Variants in LRMDA observed in about 807,000 individuals in gnomAD.
The protein encoded by LRMDA is leucine-rich melanocyte differentiation-associated protein.
LRMDA carries 18 observed loss-of-function variants against 29.8 expected under a neutral mutation model. The observed-to-expected ratio is 0.60, with a 90% CI of 0.42 to 0.90. The LOEUF (loss-of-function observed/expected upper bound fraction) is 0.90, where lower values mean the gene tolerates loss of function less well. Among genes scored for constraint, LRMDA ranks in the 40% least tolerant of loss-of-function variants. The pLI is 0.00. For synonymous variants in LRMDA, 125 were observed against 109.4 expected (o/e 1.14, Z -0.89); for missense variants, 273 against 273.9 (o/e 1.00, Z 0.02).
intron 2 of LRMDA, among the ~76,000 whole-genome samples, chr10:75,985,744 G>A (rs1847251320): frequency 6.6e-6 from 1 of 152,202 alleles, no homozygotes; most frequent in South Asian, 2.1e-4. Context: ...GGAGGTGGGA[G>A]GAGTTTCCCT....
intron 2 of LRMDA, among the ~76,000 whole-genome samples, chr10:75,558,795 C>T (rs1228605244): frequency 1.5e-4 from 21 of 143,710 alleles, no homozygotes; most frequent in Non-Finnish European, 2.3e-4. Flanking sequence ...GGTTTTTTAT[C>T]CTTGCGATAG....
chr10:76,332,626 T>A (rs1265186167), intron 6 of LRMDA, among the ~76,000 whole-genome samples: 2 of 152,206 alleles, frequency 1.3e-5, no homozygotes, highest in Non-Finnish European at 2.9e-5. Flanking sequence ...GCTCCCTTTA[T>A]CTTAACAAAA....
chr10:76,443,349 C>T (rs370120006), intron 6 of LRMDA, among the ~76,000 whole-genome samples: 4 of 152,188 alleles, frequency 2.6e-5, no homozygotes, highest in Admixed American at 6.5e-5. Context: ...CATCCACTAC[C>T]GGCTCTTGAC....
rs572450807 is a variant in LRMDA at position 76,063,736 on chromosome 10, C to T, written c.516+4953C>T. Among the ~76,000 whole-genome samples, 13 of 152,254 alleles carry T rather than the reference C, an allele frequency of 8.5e-5. No homozygotes were observed. The South Asian group carries it at 1.0e-3, about 12-fold the overall frequency. ...ACTATTTGGGCCTGAGAATCACCTG[C>T]TCCCACAAATACCCTACATAGTCCT... On this transcript the variant is annotated intron_variant, in intron 5 of 6. Transcript: ENST00000611255.
intron 6 of LRMDA, among the ~76,000 whole-genome samples, chr10:76,376,976 C>G (rs1841529906): frequency 1.4e-5 from 2 of 143,318 alleles, no homozygotes; most frequent in African/African-American, 5.3e-5. Flanking sequence ...AGCTCCACCA[C>G]CTGGGTTCAC....
At chr10:76,532,442 T>G (rs1843244679) in intron 6 of LRMDA, among the ~76,000 whole-genome samples, 1 of 152,224 alleles carries the variant, frequency 6.6e-6, no homozygotes, top group Admixed American at 6.5e-5. Context: ...TGGAACCATA[T>G]TTTGAATTGT....
chr10:76,019,973 A>G (rs1372038837), intron 2 of LRMDA, among the ~76,000 whole-genome samples: 1 of 152,216 alleles, frequency 6.6e-6, no homozygotes, highest in Non-Finnish European at 1.5e-5. Flanking sequence ...TCTTTTACAC[A>G]GTCTGATGTG....
chr10:75,937,441 C>A (rs966373602), intron 2 of LRMDA, among the ~76,000 whole-genome samples: 14 of 152,188 alleles, frequency 9.2e-5, no homozygotes, highest in African/African-American at 2.4e-4. Flanking sequence ...ATCCCCAAGC[C>A]TTGTGTCACC....
chr10:76,192,331 C>T (rs1039660737), intron 5 of LRMDA, among the ~76,000 whole-genome samples: 4 of 152,154 alleles, frequency 2.6e-5, no homozygotes, highest in African/African-American at 7.2e-5. Flanking sequence ...CAGATTGTCC[C>T]AACTGTCCAG....
At chr10:76,171,697 A>G (rs780585631) in intron 5 of LRMDA, among the ~76,000 whole-genome samples, 1 of 152,230 alleles carries the variant, frequency 6.6e-6, no homozygotes, top group African/African-American at 2.4e-5. Flanking sequence ...TTTAGGGCAT[A>G]GCACCAACGT....
At chr10:75,477,972 G>A (rs960679881) in intron 2 of LRMDA, among the ~76,000 whole-genome samples, 1 of 152,184 alleles carries the variant, frequency 6.6e-6, no homozygotes, top group Non-Finnish European at 1.5e-5. Flanking sequence ...GGAGACTCCT[G>A]TCCTCTTCTG....
chr10:75,529,384 G>A lies in LRMDA; in HGVS notation c.131+90890G>A, dbSNP rs543447893. Among the ~76,000 whole-genome samples, 4 of 152,332 alleles carry A rather than the reference G, an allele frequency of 2.6e-5. 1 individual carries two copies. In the South Asian group the frequency reaches 8.3e-4, roughly 32 times the overall value. ...CAGCCAAAGAAGCAGTCAAGATTGAGGGAAGTGTGAAGATAATTGTAGGTA... is the reference window on the plus strand; with the variant it reads ...CAGCCAAAGAAGCAGTCAAGATTGAAGGAAGTGTGAAGATAATTGTAGGTA... On this transcript the variant is annotated intron_variant, in intron 2 of 6. Coordinates refer to ENST00000611255, the MANE Select transcript of LRMDA (RefSeq NM_001305581.2).
chr10:76,309,288 T>C (rs912186825), intron 5 of LRMDA, among the ~76,000 whole-genome samples: 5 of 152,122 alleles, frequency 3.3e-5, no homozygotes, highest in African/African-American at 1.2e-4. Flanking sequence ...ATTGGCACCT[T>C]TGAAGCTTCA....
intron 2 of LRMDA, among the ~76,000 whole-genome samples, chr10:75,624,902 A>G (rs1841232242): frequency 6.6e-6 from 1 of 152,224 alleles, no homozygotes; most frequent in Non-Finnish European, 1.5e-5. Flanking sequence ...AAGGCACACT[A>G]ATAACAATCC....
intron 6 of LRMDA, among the ~76,000 whole-genome samples, chr10:76,491,019 C>T (rs1308635139): frequency 6.6e-6 from 1 of 151,888 alleles, no homozygotes; most frequent in East Asian, 1.9e-4. Flanking sequence ...CTGATGACAA[C>T]ACTAATTGCA....
chr10:75,913,372 G>A (rs993443925), intron 2 of LRMDA, among the ~76,000 whole-genome samples: 10 of 152,000 alleles, frequency 6.6e-5, no homozygotes, highest in East Asian at 3.9e-4. Flanking sequence ...CAGGAGAATC[G>A]CTTGAACCAA....
chr10:76,376,151 AC>A (rs752810225), intron 6 of LRMDA, among the ~76,000 whole-genome samples: 140 of 151,898 alleles, frequency 9.2e-4, no homozygotes, highest in Non-Finnish European at 1.5e-3. Flanking sequence ...CCCCTCAGCC[AC>A]CCCTCCACCT....
chr10:75,784,922 CG>C (rs1292143960), intron 2 of LRMDA, among the ~76,000 whole-genome samples: 2 of 152,092 alleles, frequency 1.3e-5, no homozygotes, highest in African/African-American at 4.8e-5. Flanking sequence ...GTAGGGTCTT[CG>C]GGTAAATAGC....
At chr10:75,942,991 G>A (rs1268004776) in intron 2 of LRMDA, among the ~76,000 whole-genome samples, 1 of 152,018 alleles carries the variant, frequency 6.6e-6, no homozygotes, top group Non-Finnish European at 1.5e-5. Flanking sequence ...CATTTGGAGA[G>A]GCTTATATAA....
Sources: allele counts gnomAD v4.1 joint callset (sites outside exome capture counted in the v4.1 genomes callset), GRCh38; gene constraint gnomAD v4.1.1; transcripts MANE v1.5; gene names NCBI Gene and HGNC (gene_info 2026-07-23, HGNC 2026-07-21).